Variants in KLF12 observed in about 807,000 individuals in gnomAD.
KLF12 encodes Krueppel-like factor 12.
Under a neutral mutation model 37.8 loss-of-function variants are expected in KLF12, and 9 were observed. The ratio of observed to expected loss-of-function variants is 0.24; its 90% confidence interval spans 0.14 to 0.42. The LOEUF is 0.42. Ranked by LOEUF, KLF12 falls within the 10% of genes least tolerant of loss-of-function variation. KLF12 has a pLI of 1.00. For missense variants in KLF12, 411 were observed against 516.0 expected, an observed-to-expected ratio of 0.80 and a Z score of 1.97; for synonymous variants, 208 against 202.1, an observed-to-expected ratio of 1.03 and a Z score of -0.25.
At chr13:74,099,781 C>T (rs540846418) in intron 1 of KLF12, among the ~76,000 whole-genome samples, 4 of 152,302 alleles carry the variant, frequency 2.6e-5, no homozygotes, top group South Asian at 2.1e-4. Flanking sequence ...TCTATCTCCA[C>T]TTCTGTAGTA....
At chr13:74,267,148 G>A in the KLF12 span, among the ~76,000 whole-genome samples, 1 of 152,184 alleles carries the variant, frequency 6.6e-6, no homozygotes, top group East Asian at 1.9e-4. Context: ...TGGATTGAAT[G>A]ATGGTCCCCA....
chr13:74,094,872 T>A (rs1428670697), intron 1 of KLF12, among the ~76,000 whole-genome samples: 1 of 152,092 alleles, frequency 6.6e-6, no homozygotes, highest in East Asian at 1.9e-4. Context: ...AGTGCTGAGA[T>A]TACAGGCGTG....
At chr13:73,868,130 T>C (rs942042739) in intron 3 of KLF12, among the ~76,000 whole-genome samples, 1 of 145,960 alleles carries the variant, frequency 6.9e-6, no homozygotes, top group African/African-American at 2.5e-5. Context: ...CTGACCAACA[T>C]GGATAAACCC....
At chr13:73,925,272 GCTGA>G (rs1889320654) in intron 3 of KLF12, among the ~76,000 whole-genome samples, 1 of 152,308 alleles carries the variant, frequency 6.6e-6, no homozygotes, top group Admixed American at 6.5e-5. Flanking sequence ...CAAAGCACAG[GCTGA>G]CTCTCTTGTT....
chr13:73,861,696 C>T (rs199553588), intron 3 of KLF12, among the ~76,000 whole-genome samples: 1 of 151,980 alleles, frequency 6.6e-6, no homozygotes, highest in Non-Finnish European at 1.5e-5. Context: ...GGAATTATTC[C>T]GTTTTCCTCA....
chr13:74,131,807 ACATTT>A (rs1197251453), intron 1 of KLF12, among the ~76,000 whole-genome samples: 1 of 152,216 alleles, frequency 6.6e-6, no homozygotes, highest in Non-Finnish European at 1.5e-5. Flanking sequence ...TTTTCCCAGT[ACATTT>A]CATAATAGTT....
At chr13:73,726,523 A>G (rs954208624) in intron 6 of KLF12, among the ~76,000 whole-genome samples, 1 of 152,222 alleles carries the variant, frequency 6.6e-6, no homozygotes, top group African/African-American at 2.4e-5. Context: ...AAATGGCATC[A>G]TATAATGCAT....
chr13:74,211,700 T>A, the KLF12 span, among the ~76,000 whole-genome samples: 1 of 152,096 alleles, frequency 6.6e-6, no homozygotes, highest in East Asian at 1.9e-4. Context: ...GAACAAAGAG[T>A]AAGACCTGTA....
chr13:73,743,656 T>G (rs1878165946), intron 6 of KLF12, among the ~76,000 whole-genome samples: 1 of 152,214 alleles, frequency 6.6e-6, no homozygotes, highest in East Asian at 1.9e-4. Flanking sequence ...AGCATGCATA[T>G]TACATTATAT....
At chr13:73,939,593 T>C (rs949940862) in intron 3 of KLF12, among the ~76,000 whole-genome samples, 1 of 152,214 alleles carries the variant, frequency 6.6e-6, no homozygotes, top group Non-Finnish European at 1.5e-5. Context: ...CTCTACTAGA[T>C]ACTTCATGAG....
intron 1 of KLF12, among the ~76,000 whole-genome samples, chr13:74,017,074 T>C (rs1278945849): frequency 1.3e-5 from 2 of 152,012 alleles, no homozygotes; most frequent in African/African-American, 4.8e-5. Context: ...AGCACAGTAG[T>C]TGACACTTGT....
At chr13:73,700,734 TA>T (rs575199210) in intron 7 of KLF12, among the ~76,000 whole-genome samples, 5 of 151,754 alleles carry the variant, frequency 3.3e-5, no homozygotes, top group South Asian at 4.2e-4. Flanking sequence ...AGTATTTCAT[TA>T]AAAAAAACAA....
chr13:73,778,988 T>G (rs1880798458), intron 5 of KLF12, among the ~76,000 whole-genome samples: 1 of 152,200 alleles, frequency 6.6e-6, no homozygotes, highest in Non-Finnish European at 1.5e-5. Flanking sequence ...TAAGGATTAG[T>G]TTAGAAGTCA....
intron 3 of KLF12, among the ~76,000 whole-genome samples, chr13:73,906,332 G>A (rs554637098): frequency 6.6e-6 from 1 of 152,250 alleles, no homozygotes; most frequent in South Asian, 2.1e-4. Context: ...CCTGTGGGAA[G>A]TCTGTTAATA....
chr13:74,154,746 T>C, the KLF12 span, among the ~76,000 whole-genome samples: 53 of 152,174 alleles, frequency 3.5e-4, no homozygotes, highest in South Asian at 4.1e-4. Flanking sequence ...GGTCAAGAGA[T>C]GATGGGTACC....
chr13:73,917,275 T>C (rs1288318426), intron 3 of KLF12, among the ~76,000 whole-genome samples: 1 of 152,202 alleles, frequency 6.6e-6, no homozygotes, highest in African/African-American at 2.4e-5. Context: ...CTTACTATAC[T>C]AATAAATCTC....
intron 3 of KLF12, among the ~76,000 whole-genome samples, chr13:73,927,738 C>A (rs867664042): frequency 2.1e-5 from 3 of 144,348 alleles, no homozygotes; most frequent in African/African-American, 2.5e-5. Context: ...CCACCACACC[C>A]GGCTAAATTT....
At chr13:74,195,397 C>T in the KLF12 span, among the ~76,000 whole-genome samples, 1 of 152,156 alleles carries the variant, frequency 6.6e-6, no homozygotes, top group African/African-American at 2.4e-5. Flanking sequence ...CAAGGGACAC[C>T]TACTGCTATG....
chr13:73,847,078 T>TTA (rs1336114366), intron 3 of KLF12, among the ~76,000 whole-genome samples: 1 of 152,156 alleles, frequency 6.6e-6, no homozygotes, highest in Non-Finnish European at 1.5e-5. Context: ...AATTTGATAA[T>TTA]AATAGACTCC....
Sources: allele counts gnomAD v4.1 joint callset (sites outside exome capture counted in the v4.1 genomes callset), GRCh38; gene constraint gnomAD v4.1.1; transcripts MANE v1.5; gene names NCBI Gene and HGNC (gene_info 2026-07-23, HGNC 2026-07-21).